MARCHF1: variants seen among roughly 807,000 people sequenced by gnomAD.
MARCHF1 encodes E3 ubiquitin-protein ligase MARCHF1.
In MARCHF1, 40 loss-of-function variants were observed where a neutral mutation model predicts 54.2. The observed-to-expected ratio is 0.74, with a 90% CI of 0.57 to 0.96. The LOEUF (loss-of-function observed/expected upper bound fraction) is 0.96. Ranked by LOEUF, MARCHF1 falls within the 40% of genes least tolerant of loss-of-function variation. MARCHF1 has a pLI of 0.00. For missense variants in MARCHF1, 586 were observed against 656.5 expected (o/e 0.89, Z 1.17); for synonymous variants, 236 against 236.3 (o/e 1.00, Z 0.01).
At chr4:164,264,173 A>G (rs1733543392) in intron 1 of MARCHF1, among the ~76,000 whole-genome samples, 1 of 152,228 alleles carries the variant, frequency 6.6e-6, no homozygotes. Flanking sequence ...TTAAAAAATG[A>G]TATCATGTCT....
intron 8 of MARCHF1, among the ~76,000 whole-genome samples, chr4:163,555,541 G>A (rs1458177564): frequency 1.3e-5 from 2 of 151,974 alleles, no homozygotes; most frequent in African/African-American, 2.4e-5. Flanking sequence ...ATACTTGGTT[G>A]TCTGTTTTCT....
intron 1 of MARCHF1, among the ~76,000 whole-genome samples, chr4:164,199,721 G>C (rs1303785516): frequency 6.7e-6 from 1 of 148,742 alleles, no homozygotes; most frequent in Non-Finnish European, 1.5e-5. Context: ...GAAGAGAGGA[G>C]AAGAGAAGAT....
At chr4:164,156,958 CT>C in intron 1 of MARCHF1, among the ~76,000 whole-genome samples, 1 of 152,234 alleles carries the variant, frequency 6.6e-6, no homozygotes, top group East Asian at 1.9e-4. Context: ...CGTTAAAGAA[CT>C]TGATTACATT....
rs140871871 is a variant in MARCHF1 at position 163,899,620 on chromosome 4, C to T, written c.-38-45451G>A. ...TTTAACTATCTAAATGACGATGACT[C>T]TCAAATGTCCATATCCCAGGCCTCT... is the stretch of plus-strand genomic sequence containing the variant. On this transcript the variant is annotated intron_variant, in intron 3 of 9. Transcript: ENST00000514618. 6.7e-4 allele frequency among the ~76,000 whole-genome samples: 102 copies of T among 152,208 alleles called. 2 individuals carry two copies. In the East Asian group the frequency reaches 0.02, roughly 29 times the overall value.
At chr4:163,648,877 C>G (rs753378092) in intron 5 of MARCHF1, among the ~76,000 whole-genome samples, 1 of 151,488 alleles carries the variant, frequency 6.6e-6, no homozygotes, top group Non-Finnish European at 1.5e-5. Flanking sequence ...TCCATCCTTC[C>G]CTGTTATGCC....
intron 2 of MARCHF1, among the ~76,000 whole-genome samples, chr4:164,101,164 A>C (rs1755546223): frequency 6.6e-6 from 1 of 152,190 alleles, no homozygotes; most frequent in African/African-American, 2.4e-5. Flanking sequence ...ATCAAACTGC[A>C]AGGCAGCAGC....
At chr4:164,134,773 T>G (rs1756367825) in intron 1 of MARCHF1, among the ~76,000 whole-genome samples, 1 of 151,830 alleles carries the variant, frequency 6.6e-6, no homozygotes. Context: ...TTTTAGCATA[T>G]GTTACCAACT....
intron 1 of MARCHF1, among the ~76,000 whole-genome samples, chr4:164,273,881 A>T (rs1733804269): frequency 6.6e-6 from 1 of 152,210 alleles, no homozygotes. Flanking sequence ...TAAGAAAAAA[A>T]AGAATACAGG....
intron 4 of MARCHF1, among the ~76,000 whole-genome samples, chr4:163,821,598 T>C (rs548674626): frequency 1.3e-5 from 2 of 152,152 alleles, no homozygotes; most frequent in African/African-American, 4.8e-5. Context: ...ATAAAAATTT[T>C]GTTAGCAGAA....
intron 4 of MARCHF1, among the ~76,000 whole-genome samples, chr4:163,768,831 T>C (rs1168283007): frequency 1.3e-5 from 2 of 152,186 alleles, no homozygotes; most frequent in African/African-American, 2.4e-5. Context: ...TGTAAGTCAA[T>C]AATCATTCAA....
At chr4:164,139,714 G>A (rs1277306731) in intron 1 of MARCHF1, among the ~76,000 whole-genome samples, 1 of 152,030 alleles carries the variant, frequency 6.6e-6, no homozygotes, top group East Asian at 1.9e-4. Flanking sequence ...TTGAAAATTC[G>A]AAGATACTTT....
chr4:163,585,653 A>G (rs1560957131), intron 8 of MARCHF1, 96 bp downstream of exon 8: 1 of 967,166 alleles, frequency 1.0e-6, no homozygotes, highest in African/African-American at 1.6e-5. Flanking sequence ...GGATATTAGC[A>G]TATTAGGAGA....
chr4:164,062,951 T>G (rs762705250), intron 2 of MARCHF1, among the ~76,000 whole-genome samples: 1 of 152,240 alleles, frequency 6.6e-6, no homozygotes, highest in Non-Finnish European at 1.5e-5. Flanking sequence ...AGAGCTCTTG[T>G]ATGACTAGGT....
intron 1 of MARCHF1, chr4:164,189,750 AC>A: frequency 8.0e-7 from 1 of 1,256,534 alleles, no homozygotes; most frequent in South Asian, 1.2e-5. Context: ...TAATCAACCA[AC>A]TGTCATAATC....
At chr4:164,224,134 A>G in intron 1 of MARCHF1, among the ~76,000 whole-genome samples, 1 of 151,286 alleles carries the variant, frequency 6.6e-6, no homozygotes, top group East Asian at 1.9e-4. Context: ...ATGAGGTCCA[A>G]CACAAATTCG....
At chr4:163,869,805 A>G (rs1187670085) in intron 3 of MARCHF1, among the ~76,000 whole-genome samples, 2 of 152,120 alleles carry the variant, frequency 1.3e-5, no homozygotes, top group Non-Finnish European at 2.9e-5. Context: ...AATTTATATA[A>G]TAGTTTGACC....
intron 1 of MARCHF1, among the ~76,000 whole-genome samples, chr4:164,265,770 C>T (rs1733596111): frequency 6.6e-6 from 1 of 151,932 alleles, no homozygotes; most frequent in Non-Finnish European, 1.5e-5. Context: ...AGAACCTGAC[C>T]TTTGTACCTG....
At position 164,111,147 on chromosome 4, in the gene MARCHF1, G is replaced by C. The variant is rs751034347; in HGVS notation, c.-248+441C>G. 7.2e-4 allele frequency among the ~76,000 whole-genome samples: 109 copies of C among 151,752 alleles called. 3 individuals are homozygous for C. Among genetic ancestry groups the C allele is most frequent in the Non-Finnish European group, 3.7e-4 (25 of 67,760 alleles). On this transcript the variant is annotated intron_variant, in intron 2 of 9. Coordinates refer to ENST00000514618, the MANE Select transcript of MARCHF1 (RefSeq NM_001394959.1). ...GATAATCCTTGAATGTATAATCCAA[G>C]TATTAGTAACAAGATAAAATTACTC...
At chr4:164,136,272 G>A (rs1285548035) in intron 1 of MARCHF1, among the ~76,000 whole-genome samples, 127 of 121,448 alleles carry the variant, frequency 1.0e-3, no homozygotes, top group Admixed American at 1.2e-3. Flanking sequence ...AGTTGAAGTG[G>A]AAAAAAAAAA....
Sources: allele counts gnomAD v4.1 joint callset (sites outside exome capture counted in the v4.1 genomes callset), GRCh38; gene constraint gnomAD v4.1.1; transcripts MANE v1.5; gene names NCBI Gene and HGNC (gene_info 2026-07-23, HGNC 2026-07-21).